Variants in SCRIB observed in about 807,000 individuals in gnomAD.
SCRIB encodes the protein scribble planar cell polarity protein.
SCRIB carries 72 observed loss-of-function variants against 170.0 expected under a neutral mutation model. The observed-to-expected ratio is 0.42, with a 90% CI of 0.35 to 0.52. The LOEUF is 0.52. Ranked by LOEUF, SCRIB falls within the 20% of genes least tolerant of loss-of-function variation. SCRIB has a pLI of 0.02. For missense variants in SCRIB, 2,475 were observed against 2,338.5 expected (o/e 1.06, Z -1.20); for synonymous variants, 1,298 against 1,044.3 (o/e 1.24, Z -4.68).
chr8:143,808,933 G>A lies in SCRIB; in HGVS notation c.1791C>T (p.Gly597=), dbSNP rs770599690. Residue 597 remains glycine (G), a synonymous_variant, in exon 15 of 37, where the codon GGC becomes GGT. Transcript: ENST00000356994. ...CCTTGCGGATGAGCCGCTGCCTCCC[G>A]CCTGGCAGGGTCCAGGGGGCCTCAG... is the stretch of plus-strand genomic sequence containing the variant. ...GQPEAPWTLP[G]GRQRLIRKDT... 30 of 1,611,968 alleles carry A rather than the reference G, an allele frequency of 1.9e-5. No homozygotes were observed. The highest frequency in any genetic ancestry group is 2.5e-5 in the Non-Finnish European group (29 of 1,179,984).
rs750612792 is a variant in SCRIB, at chr8:143,808,973, A to G, written c.1751T>C (p.Ile584Thr). ...DALLPGDDRE[I>T]EEGQPEAPWT... ...GGGGGCCTCAGGCTGCCCCTCCTCG[A>G]TCTCCCTGTCATCCCCGGGCAGCAG... The change falls in exon 15 of 37, where the codon ATC becomes ACC. Residue 584 changes from isoleucine to threonine, a missense_variant. By Grantham distance (89) the Ile-to-Thr change is moderately conservative. Coordinates refer to ENST00000356994, the MANE Select transcript of SCRIB (RefSeq NM_182706.5). 3 of 1,613,130 alleles carry G rather than the reference A, an allele frequency of 1.9e-6. No homozygotes were observed. The South Asian group carries it at 3.3e-5, about 18-fold the overall frequency.
Position 143,812,940 on chromosome 8 carries a change from G to T in SCRIB, c.664C>A (p.Leu222Met). 6.2e-7 allele frequency: 1 copy of T among 1,612,822 alleles called. No homozygotes were observed. The highest frequency in any genetic ancestry group is 8.5e-7 in the Non-Finnish European group (1 of 1,179,904). The stretch of plus-strand genomic sequence containing the variant: ...TTTTCCGACACGTCCAGGCACACCA[G>T]GCGCCGCAGGTTCCCGAGCTCCTGC... ...LPPELGNLRR[L>M]VCLDVSENRL... is the part of the protein sequence containing the mutation. The change falls in exon 8 of 37, where the codon CTG becomes ATG. Residue 222 changes from leucine to methionine, a missense_variant. Physicochemically the swap from Leu to Met is conservative, Grantham distance 15. Coordinates refer to ENST00000356994, the MANE Select transcript of SCRIB (RefSeq NM_182706.5).
chr8:143,795,494 C>T lies in SCRIB; in HGVS notation c.3640G>A (p.Gly1214Ser). The change falls in exon 25 of 37, where the codon GGC becomes AGC. Residue 1214 changes from glycine (G) to serine (S), a missense_variant. Physicochemically the swap from Gly to Ser is moderately conservative, Grantham distance 56. Around this residue, in one of 3 missense-constraint regions of SCRIB, gnomAD observed 1,966 missense variants for 1,742.9 expected, o/e 1.13. Coordinates refer to ENST00000356994, the MANE Select transcript of SCRIB (RefSeq NM_182706.5). Reference sequence around the variant, plus strand: ...TCCAGGCTGTTCCGGTGGCCGATGCCTGCCGCAAAGGGGTTGGCAATGACA... The same window carrying T: ...TCCAGGCTGTTCCGGTGGCCGATGCTTGCCGCAAAGGGGTTGGCAATGACA... ...PGVIANPFAA[G>S]IGHRNSLESI... 1 of 1,613,292 alleles carries T rather than the reference C, an allele frequency of 6.2e-7. No homozygotes were observed. Among genetic ancestry groups the T allele is most frequent in the Non-Finnish European group, 8.5e-7 (1 of 1,179,762 alleles).
rs766902573 is a variant in SCRIB, at chr8:143,810,508, C to T, written c.1501G>A (p.Asp501Asn). 5 of 1,611,706 alleles carry T rather than the reference C, an allele frequency of 3.1e-6. No individual in the cohort carries two copies. In the African/African-American group the frequency reaches 5.3e-5, roughly 17 times the overall value. The change falls in exon 13 of 37, where the codon GAC (aspartate) becomes AAC (asparagine). Residue 501 changes from aspartate (D) to asparagine (N), a missense_variant. Physicochemically the swap from Asp to Asn is conservative, Grantham distance 23. Coordinates refer to ENST00000356994, the MANE Select transcript of SCRIB (RefSeq NM_182706.5). ...RRSEACPCQP[D>N]SGSPLPAEEE... The stretch of plus-strand genomic sequence containing the variant: ...TCTGCAGGCAAGGGCGACCCAGAGT[C>T]TGGCTGGCAAGGGCAGGCCTCGCTC...
chr8:143,807,738 C>T, intron 15 of SCRIB, 124 bp from the exon 16 acceptor site: 1 of 792,948 alleles, frequency 1.3e-6, no homozygotes, highest in Admixed American at 1.9e-5. Flanking sequence ...CCTCGACTGC[C>T]CTGGCACGGG....
rs781980923 is a variant in SCRIB, at chr8:143,803,574, G to A, written c.3415-3C>T. ...CCGGCTGCCCCCGTGGGGCTCACCT[G>A]TGGGGAGACGTGGTATGGGAGAGAC... On this transcript the variant is annotated splice_polypyrimidine_tract_variant and splice_region_variant and intron_variant, in intron 23 of 36. Transcript: ENST00000356994. The A allele has an allele frequency of 6.9e-6, 11 of 1,597,896 alleles. No homozygotes were observed. The Admixed American group carries it at 1.5e-4, about 22-fold the overall frequency.
rs1382855455 is a variant in SCRIB, at chr8:143,812,885, C to T, written c.719G>A (p.Gly240Asp). 1.9e-6 allele frequency: 3 copies of T among 1,609,932 alleles called. No homozygotes were observed. The highest frequency in any genetic ancestry group is 2.5e-6 in the Non-Finnish European group (3 of 1,179,894). ...CAGGTCAGTGAGCAGCACCAGCCCG[C>T]CGAGCTCAGCAGGCAGCTCCTCCAG... ...NRLEELPAEL[G>D]GLVLLTDLLL... The change falls in exon 8 of 37, where the codon GGC becomes GAC. Residue 240 changes from glycine (G) to aspartate (D), a missense_variant. By Grantham distance (94) the Gly-to-Asp change is moderately conservative (BLOSUM62 -1). Coordinates refer to ENST00000356994, the MANE Select transcript of SCRIB (RefSeq NM_182706.5).
Position 143,810,706 on chromosome 8 carries a change from C to T in SCRIB, c.1384G>A (p.Glu462Lys), listed in dbSNP as rs1430726994. 5 of 1,603,904 alleles carry T rather than the reference C, an allele frequency of 3.1e-6. No individual in the cohort carries two copies. The highest frequency in any genetic ancestry group is 2.2e-5 in the East Asian group (1 of 44,646). ...CATACCCGCTTCTCAGCTGCAGCTT[C>T]CTCAGCGTCCTCATCACCTATGGGG... The part of the protein sequence containing the change: ...EAPIGDEDAE[E>K]AAAEKRGLQR... Residue 462 changes from glutamate to lysine, a missense_variant, in exon 12 of 37, where the codon GAA becomes AAA. By Grantham distance (56) the Glu-to-Lys change is moderately conservative. Coordinates refer to ENST00000356994, the MANE Select transcript of SCRIB (RefSeq NM_182706.5).
In SCRIB at chr8:143,815,638, G is replaced by A. The variant is rs1486368169; in HGVS notation, c.-266C>T. The A allele has an allele frequency of 2.0e-5, 20 of 982,684 alleles. No individual in the cohort carries two copies. Among genetic ancestry groups the A allele is most frequent in the Admixed American group, 6.2e-5 (1 of 16,050 alleles). The allele number at this position is 982,684 out of a possible 1,614,324, so 60.9% of individuals were successfully genotyped here. A position where few individuals can be genotyped will look rare whatever the true frequency, so the allele number is the denominator to read the frequency against. On this transcript the variant is annotated 5_prime_UTR_variant, in exon 1 of 37. Coordinates refer to ENST00000356994, the MANE Select transcript of SCRIB (RefSeq NM_182706.5). ...GGGGAGCGGCGGCGGCGGCGGCTCC[G>A]CATCCCGCTTGGTCCTGCTCAGCTC... is the stretch of plus-strand genomic sequence containing the variant.
chr8:143,792,936 C>A (rs977993521), intron 29 of SCRIB, 40 bp downstream of exon 29: 1 of 1,501,008 alleles, frequency 6.7e-7, no homozygotes. Context: ...GGCACCCACC[C>A]CAACCACGCG....
chr8:143,815,489 C>T lies in SCRIB; in HGVS notation c.-117G>A. On this transcript the variant is annotated 5_prime_UTR_variant, in exon 1 of 37. Transcript: ENST00000356994. ...GGAGGGGGCGCAGGCAGGGGGCGGG[C>T]CGCCCGAGACTGGACGGGGACGCGG... is the stretch of plus-strand genomic sequence containing the variant. The T allele has an allele frequency of 1.0e-6, 1 of 1,003,002 alleles. No homozygotes were observed. The highest frequency in any genetic ancestry group is 4.5e-5 in the South Asian group (1 of 22,252). 62.1% of individuals were successfully genotyped at this position (1,003,002 alleles called of 1,614,324 possible).
chr8:143,805,126 T>C lies in SCRIB; in HGVS notation c.2656A>G (p.Arg886Gly). Residue 886 changes from arginine (R) to glycine (G), a missense_variant, in exon 19 of 37, where the codon AGG (arginine) becomes GGG (glycine). Arg to Gly is a moderately radical substitution (Grantham distance 125). This residue lies in a region of SCRIB where 1,966 missense variants were observed against 1,742.9 expected (regional missense o/e 1.13). Transcript: ENST00000356994. ...CCCAGCCTCACCGCATCACCAGCCC[T>C]GTAGGGTGTGGAGCCTTTCCCACCA... is the stretch of plus-strand genomic sequence containing the variant. ...IAGGKGSTPYRAGDAGIFVSR... is the reference protein window; with the variant it reads ...IAGGKGSTPYGAGDAGIFVSR... 1.3e-6 allele frequency: 2 copies of C among 1,592,626 alleles called. No individual in the cohort carries two copies. The highest frequency in any genetic ancestry group is 2.2e-5 in the East Asian group (1 of 44,498).
intron 8 of SCRIB, 62 bp from the exon 9 acceptor site, chr8:143,812,446 T>A: frequency 7.8e-7 from 1 of 1,280,334 alleles, no homozygotes; most frequent in Non-Finnish European, 1.1e-6. Flanking sequence ...CTTACCCACC[T>A]GGCCAGAAGC....
chr8:143,803,104 G>A (rs1225823631), intron 24 of SCRIB, among the ~76,000 whole-genome samples: 1 of 152,168 alleles, frequency 6.6e-6, no homozygotes, highest in Non-Finnish European at 1.5e-5. Flanking sequence ...AGACCACGTA[G>A]TGCGTCCCAA....
intron 15 of SCRIB, among the ~76,000 whole-genome samples, chr8:143,808,151 C>G (rs554205309): frequency 5.9e-5 from 9 of 152,270 alleles, no homozygotes; most frequent in African/African-American, 2.2e-4. Flanking sequence ...GGGAGAGGAA[C>G]AGACCCTGCC....
chr8:143,795,254 G>C (rs201593868), intron 26 of SCRIB, 23 bp downstream of exon 26: 2 of 1,612,264 alleles, frequency 1.2e-6, no homozygotes, highest in Non-Finnish European at 1.7e-6. Flanking sequence ...CCTGATGTGA[G>C]GGGGTGGGGC....
intron 24 of SCRIB, among the ~76,000 whole-genome samples, chr8:143,797,565 G>T (rs1384260019): frequency 6.6e-6 from 1 of 152,214 alleles, no homozygotes; most frequent in African/African-American, 2.4e-5. Flanking sequence ...AACTGCAGGG[G>T]GAAACCTGGC....
At chr8:143,803,606 G>A in intron 23 of SCRIB, 35 bp from the exon 24 acceptor site, 1 of 1,570,856 alleles carries the variant, frequency 6.4e-7, no homozygotes, top group Non-Finnish European at 8.6e-7. Context: ...AGACCTGTTG[G>A]GGGGTGGGGC....
Position 143,815,333 on chromosome 8 carries a change from C to T in SCRIB, c.40G>A (p.Val14Met), listed in dbSNP as rs1220253695. ...CAGTGCCGCTTGTCCACCGACTCCA[C>T]GTGCCGGTTGCAGCGCCACAGCGGG... ...CIPLWRCNRH[V>M]ESVDKRHCSL... Residue 14 changes from valine to methionine, a missense_variant, in exon 1 of 37, where the codon GTG becomes ATG. Val to Met is a conservative substitution (Grantham distance 21). This residue lies in a region of SCRIB where 487 missense variants were observed against 558.1 expected (regional missense o/e 0.87). Coordinates refer to ENST00000356994, the MANE Select transcript of SCRIB (RefSeq NM_182706.5). 3.2e-6 allele frequency: 5 copies of T among 1,559,420 alleles called. No individual in the cohort carries two copies. The highest frequency in any genetic ancestry group is 4.3e-6 in the Non-Finnish European group (5 of 1,154,028).
Sources: allele counts gnomAD v4.1 joint callset (sites outside exome capture counted in the v4.1 genomes callset), GRCh38; gene constraint gnomAD v4.1.1; regional missense constraint gnomAD v4.1.1; transcripts MANE v1.5; gene names NCBI Gene and HGNC (gene_info 2026-07-23, HGNC 2026-07-21).